Variants in DNAH10 observed in about 807,000 individuals in gnomAD.
DNAH10 encodes dynein axonemal heavy chain 10, also known as axonemal beta dynein heavy chain 10.
In DNAH10, 348 loss-of-function variants were observed where a neutral mutation model predicts 506.6. The ratio of observed to expected loss-of-function variants is 0.69; its 90% CI spans 0.63 to 0.75. The LOEUF is 0.75. Ranked by LOEUF, DNAH10 falls within the 30% of genes least tolerant of loss-of-function variation. The pLI is 0.00. For missense variants in DNAH10, 5,179 were observed against 5,787.1 expected (o/e 0.89, Z 3.41); for synonymous variants, 2,059 against 2,198.6 (o/e 0.94, Z 1.78).
chr12:123,793,237 C>T (rs1007405950), intron 11 of DNAH10, among the ~76,000 whole-genome samples: 11 of 152,114 alleles, frequency 7.2e-5, no homozygotes, highest in Non-Finnish European at 1.6e-4. Context: ...GGCCCAGTGC[C>T]TCCAAATGCT....
chr12:123,830,607 T>C lies in DNAH10; in HGVS notation c.4453T>C (p.Leu1485=). 1 of 1,613,854 alleles carries C rather than the reference T, an allele frequency of 6.2e-7. No homozygotes were observed. Among genetic ancestry groups the C allele is most frequent in the Non-Finnish European group, 8.5e-7 (1 of 1,179,848 alleles). The part of the protein sequence containing the change: ...VFFEMTETFT[L]ENMFAMELHK... ...TTTTGAAATGACCGAAACGTTCACC[T>C]TGGAAAATATGTTTGCTATGGAACT... Residue 1485 remains leucine (L), a synonymous_variant, in exon 26 of 79, where the codon TTG becomes CTG. Transcript: ENST00000673944.
At position 123,903,909 on chromosome 12, in the gene DNAH10, T is replaced by C. The variant is rs991977580; in HGVS notation, c.9815+796T>C. Among the ~76,000 whole-genome samples, 19 of 152,190 alleles carry C rather than the reference T, an allele frequency of 1.2e-4. No individual in the cohort carries two copies. The highest frequency in any genetic ancestry group is 4.3e-4 in the African/African-American group (18 of 41,452). On this transcript the variant is annotated intron_variant, in intron 57 of 78. Transcript: ENST00000673944. The surrounding 1 kb of genome is among the most constrained non-coding windows in gnomAD (Gnocchi z 4.6). ...CTCTTCATCCAGAAGGAGATCAGTC[T>C]TCCTGGCCCCACACACGGGTCTCGC...
At chr12:123,792,657 C>T (rs1011831235) in intron 11 of DNAH10, among the ~76,000 whole-genome samples, 5 of 151,972 alleles carry the variant, frequency 3.3e-5, no homozygotes, top group African/African-American at 9.7e-5. Context: ...GACAGAGTTT[C>T]GCCATGTTGG....
At position 123,865,948 on chromosome 12, in the gene DNAH10, C is replaced by G; in HGVS notation, c.7045-3C>G. 2 of 1,593,472 alleles carry G rather than the reference C, an allele frequency of 1.3e-6. No homozygotes were observed. Among genetic ancestry groups the G allele is most frequent in the Non-Finnish European group, 1.7e-6 (2 of 1,172,554 alleles). ...CCATGATTGATTTTCTTTATTTATC[C>G]AGGTTGGAGATTTACAGTATGCCTC... On this transcript the variant is annotated splice_polypyrimidine_tract_variant and splice_region_variant and intron_variant, in intron 40 of 78. Coordinates refer to ENST00000673944, the MANE Select transcript of DNAH10 (RefSeq NM_001372106.1).
chr12:123,898,572 G>A, intron 55 of DNAH10, 81 bp from the exon 56 acceptor site: 2 of 1,412,804 alleles, frequency 1.4e-6, no homozygotes, highest in Middle Eastern at 1.9e-4. Context: ...TTTTTGATAA[G>A]CTGAAGTTAG....
At chr12:123,914,758 G>A in intron 61 of DNAH10, 94 bp from the exon 62 acceptor site, 2 of 1,502,010 alleles carry the variant, frequency 1.3e-6, no homozygotes, top group Non-Finnish European at 1.8e-6. Flanking sequence ...CCTGGGGATG[G>A]GTAGATTGTT....
Position 123,913,149 on chromosome 12 carries a change from A to G in DNAH10, c.10186A>G (p.Ile3396Val). Residue 3396 changes from isoleucine (I) to valine (V), a missense_variant, in exon 60 of 79, where the codon ATC (isoleucine) becomes GTC (valine). Transcript: ENST00000673944. The surrounding 1 kb of genome is among the most constrained non-coding windows in gnomAD (Gnocchi z 5.1). Reference protein sequence around the residue: ...FYLTKRELERIQNELAAIQKE... With the variant: ...FYLTKRELERVQNELAAIQKE... ...CCTCACTAAACGGGAACTGGAAAGG[A>G]TCCAGAATGAGTTGGCAGCAATTCA... 1.2e-6 allele frequency: 2 copies of G among 1,612,042 alleles called. No individual in the cohort carries two copies. The highest frequency in any genetic ancestry group is 1.3e-5 in the African/African-American group (1 of 75,028).
In DNAH10 at chr12:123,903,223, C is replaced by A; in HGVS notation, c.9815+110C>A. 1 of 1,339,884 alleles carries A rather than the reference C, an allele frequency of 7.5e-7. No homozygotes were observed. The highest frequency in any genetic ancestry group is 1.0e-6 in the Non-Finnish European group (1 of 1,004,130). The allele number at this position is 1,339,884 out of a possible 1,614,324, so 83.0% of individuals were successfully genotyped here. ...CAAAGGAGCCGATGCCACATGCTGC[C>A]ACTGTGCCTGGCTCTCTCCATGGTG... On this transcript the variant is annotated intron_variant, in intron 57 of 78. Coordinates refer to ENST00000673944, the MANE Select transcript of DNAH10 (RefSeq NM_001372106.1). The surrounding 1 kb of genome is among the most constrained non-coding windows in gnomAD (Gnocchi z 4.6).
chr12:123,898,872 G>T, intron 56 of DNAH10, 58 bp downstream of exon 56: 1 of 1,517,908 alleles, frequency 6.6e-7, no homozygotes, highest in Non-Finnish European at 8.8e-7. Context: ...CACCGTAGGT[G>T]AGTGAGGGCG....
intron 45 of DNAH10, among the ~76,000 whole-genome samples, chr12:123,872,559 C>G (rs550746808): frequency 6.6e-6 from 1 of 152,074 alleles, no homozygotes; most frequent in Non-Finnish European, 1.5e-5. Context: ...TTTGGGTGCC[C>G]TACGTGGAGA....
chr12:123,887,094 G>A lies in DNAH10; in HGVS notation c.8824-48G>A, dbSNP rs200936263. 6.8e-5 allele frequency: 105 copies of A among 1,543,250 alleles called. No individual in the cohort carries two copies. The African/African-American group carries it at 1.4e-3, about 20-fold the overall frequency. On this transcript the variant is annotated intron_variant, in intron 51 of 78. Transcript: ENST00000673944. The stretch of plus-strand genomic sequence containing the variant: ...TCCCCACCCCGGAGCCCGCAGGGAA[G>A]GGAGGCTGGTGGTGGTGACGCCCAT...
rs775327971 is a variant in DNAH10 at position 123,930,415 on chromosome 12, G to C, written c.12626G>C (p.Gly4209Ala). ...KYLIGEVMYG[G>A]RAIDSFDRRI... is the part of the protein sequence containing the mutation. Reference sequence around the variant, plus strand: ...CTCTAATTTCAGGTCATGTATGGAGGACGGGCCATCGACAGCTTTGATCGC... The same window carrying C: ...CTCTAATTTCAGGTCATGTATGGAGCACGGGCCATCGACAGCTTTGATCGC... The change falls in exon 73 of 79, where the codon GGA becomes GCA. Residue 4209 changes from glycine (G) to alanine (A), a missense_variant. Gly to Ala is a moderately conservative substitution (Grantham distance 60, BLOSUM62 0). Around this residue, in one of 3 missense-constraint regions of DNAH10, gnomAD observed 4,844 missense variants for 5,430.5 expected, o/e 0.89. Transcript: ENST00000673944. The C allele has an allele frequency of 1.3e-5, 21 of 1,584,684 alleles. No individual in the cohort carries two copies. In the Admixed American group the frequency reaches 3.4e-4, roughly 26 times the overall value.
rs148272529 is a variant in DNAH10 at position 123,906,086 on chromosome 12, C to T, written c.9815+2973C>T. 6.9e-3 allele frequency among the ~76,000 whole-genome samples: 1,052 copies of T among 151,646 alleles called. 14 individuals are homozygous for T. Among genetic ancestry groups the T allele is most frequent in the African/African-American group, 0.025 (1,014 of 41,306 alleles). ...GAGTACCTCCAGACGCCCGCCACGACGCCTGGCTAATTTTTTTTTGTATTT... is the reference window on the plus strand; with the variant it reads ...GAGTACCTCCAGACGCCCGCCACGATGCCTGGCTAATTTTTTTTTGTATTT... On this transcript the variant is annotated intron_variant, in intron 57 of 78. Transcript: ENST00000673944.
At chr12:123,914,615 T>G in intron 61 of DNAH10, 65 bp downstream of exon 61, 1 of 1,521,454 alleles carries the variant, frequency 6.6e-7, no homozygotes, top group Admixed American at 1.9e-5. Context: ...TACGTGGGTG[T>G]CACCCTGGGG....
At position 123,785,566 on chromosome 12, in the gene DNAH10, G is replaced by A. The variant is rs2136039189; in HGVS notation, c.1231-180G>A. On this transcript the variant is annotated intron_variant, in intron 8 of 78. Coordinates refer to ENST00000673944, the MANE Select transcript of DNAH10 (RefSeq NM_001372106.1). This position sits in a 1 kb window ranked among gnomAD's most constrained non-coding sequence, Gnocchi z 4.1. ...TGGGAGGATCACTTGAGTCCGCAGGGGAGTCGAGGCTGCAGTAAGCCATGT... is the reference window on the plus strand; with the variant it reads ...TGGGAGGATCACTTGAGTCCGCAGGAGAGTCGAGGCTGCAGTAAGCCATGT... Among the ~76,000 whole-genome samples the A allele has an allele frequency of 6.6e-6, 1 of 151,818 alleles. No homozygotes were observed. The highest frequency in any genetic ancestry group is 2.1e-4 in the South Asian group (1 of 4,784).
At chr12:123,887,581 G>A (rs138440801) in intron 52 of DNAH10, among the ~76,000 whole-genome samples, 7 of 152,160 alleles carry the variant, frequency 4.6e-5, no homozygotes, top group Non-Finnish European at 7.4e-5. Context: ...GCATCTGGCC[G>A]TGCCCCGGGC....
chr12:123,774,827 G>A (rs903293006), intron 5 of DNAH10, among the ~76,000 whole-genome samples: 1 of 152,204 alleles, frequency 6.6e-6, no homozygotes, highest in Non-Finnish European at 1.5e-5. Flanking sequence ...TTACCATGCT[G>A]CAGAGATTTT....
At chr12:123,929,231 G>T in intron 70 of DNAH10, 44 bp from the exon 71 acceptor site, 1 of 1,542,074 alleles carries the variant, frequency 6.5e-7, no homozygotes. Context: ...CCAAGCTTGT[G>T]GGCCTGCGGT....
intron 37 of DNAH10, among the ~76,000 whole-genome samples, 191 bp from the exon 38 acceptor site, chr12:123,858,959 T>C (rs57190253): frequency 0.015 from 2,238 of 152,054 alleles, 31 homozygotes; most frequent in East Asian, 0.055. Flanking sequence ...ACAGGGTTTT[T>C]TGTGGGGAGG....
Sources: gnomAD v4.1 joint callset for allele counts (sites outside exome capture counted in the v4.1 genomes callset) on GRCh38, gnomAD v4.1.1 for gene constraint, gnomAD v4.1.1 regional missense constraint, Gnocchi (gnomAD v3.1) non-coding constraint, MANE v1.5 for transcripts, NCBI Gene and HGNC (gene_info 2026-07-23, HGNC 2026-07-21) for gene names.